The following SFR1 variants were observed in gnomAD, a reference collection of about 807,000 sequenced individuals.
SFR1 encodes swi5-dependent recombination DNA repair protein 1 homolog.
Under a neutral mutation model 26.2 loss-of-function variants are expected in SFR1, and 24 were observed. That is an observed-to-expected ratio of 0.92 (90% CI 0.66 to 1.29). The LOEUF is 1.29. SFR1 is among the 50% of genes most tolerant of loss of function. SFR1 has a pLI of 0.00. For missense variants in SFR1, 276 were observed against 270.2 expected (o/e 1.02, Z -0.15); for synonymous variants, 77 against 96.6 (o/e 0.80, Z 1.19).
In SFR1 at chr10:104,125,929, C is replaced by A; in HGVS notation, c.*225C>A. The A allele has an allele frequency of 3.1e-6, 1 of 320,200 alleles. No individual in the cohort carries two copies. The highest frequency in any genetic ancestry group is 5.9e-6 in the Non-Finnish European group (1 of 170,480). 19.8% of individuals were successfully genotyped at this position (320,200 alleles called of 1,614,324 possible). ...TACAGGCGCCCGCCACCATGCCCGGCTAATTTTTGCATTTTTAGTAGAGAC... is the reference window on the plus strand; with the variant it reads ...TACAGGCGCCCGCCACCATGCCCGGATAATTTTTGCATTTTTAGTAGAGAC... On this transcript the variant is annotated 3_prime_UTR_variant, in exon 4 of 4. Transcript: ENST00000369727.
At position 104,123,699 on chromosome 10, in the gene SFR1, T is replaced by C; in HGVS notation, c.136-15T>C. ...TTTCTTGATTCACATTTTTAATGTT[T>C]TGTGCTCTTTATAGCCTATGAGTGC... On this transcript the variant is annotated splice_polypyrimidine_tract_variant and intron_variant, in intron 2 of 3. Transcript: ENST00000369727. 1 of 1,533,426 alleles carries C rather than the reference T, an allele frequency of 6.5e-7. No individual in the cohort carries two copies. Among genetic ancestry groups the C allele is most frequent in the Non-Finnish European group, 8.7e-7 (1 of 1,143,428 alleles). 95.0% of individuals were successfully genotyped at this position (1,533,426 alleles called of 1,614,324 possible).
At position 104,125,760 on chromosome 10, in the gene SFR1, T is replaced by C; in HGVS notation, c.*56T>C. 7.9e-7 allele frequency: 1 copy of C among 1,263,432 alleles called. No homozygotes were observed. Among genetic ancestry groups the C allele is most frequent in the Non-Finnish European group, 1.1e-6 (1 of 911,230 alleles). The allele number at this position is 1,263,432 out of a possible 1,614,324, so 78.3% of individuals were successfully genotyped here. Reference sequence around the variant, plus strand: ...GAATGACAACTTAATTAAAAGATACTTAGGCACTTTTTTTTTTTTTTTGAG... The same window carrying C: ...GAATGACAACTTAATTAAAAGATACCTAGGCACTTTTTTTTTTTTTTTGAG... On this transcript the variant is annotated 3_prime_UTR_variant, in exon 4 of 4. Transcript: ENST00000369727.
At chr10:104,125,227 C>G (rs1192889895) in intron 3 of SFR1, among the ~76,000 whole-genome samples, 1 of 152,094 alleles carries the variant, frequency 6.6e-6, no homozygotes, top group Non-Finnish European at 1.5e-5. Context: ...AGATTTTTCC[C>G]TGTATTATTG....
At position 104,126,318 on chromosome 10, in the gene SFR1, C is replaced by T. The variant is rs983905206; in HGVS notation, c.*614C>T. 6.6e-6 allele frequency: 1 copy of T among 152,636 alleles called. No individual in the cohort carries two copies. Among genetic ancestry groups the T allele is most frequent in the African/African-American group, 2.4e-5 (1 of 41,430 alleles). 9.5% of individuals were successfully genotyped at this position (152,636 alleles called of 1,614,324 possible). A position where few individuals can be genotyped will look rare whatever the true frequency, so the allele number is the denominator to read the frequency against. ...CTCCTAAGTTTATGTACCTTGTTTC[C>T]ATCCATTTACCACATATTTCCATCT... On this transcript the variant is annotated 3_prime_UTR_variant, in exon 4 of 4. Transcript: ENST00000369727.
chr10:104,122,292 A>C, intron 1 of SFR1, 96 bp downstream of exon 1: 1 of 1,430,078 alleles, frequency 7.0e-7, no homozygotes. Context: ...GGTCTGGGGA[A>C]CTCAACCTCA....
In SFR1 at chr10:104,122,966, G is replaced by GA; in HGVS notation, c.20dup (p.Asn7LysfsTer20). On this transcript the variant is annotated frameshift_variant and splice_region_variant, in exon 2 of 4. Transcript: ENST00000369727. LOFTEE classifies it high-confidence loss of function. ...TATTTTATAATTTTTCTTTTTTAGA[G>GA]AAAAACCAAGATTTCACTTTCAAGA... 1 of 1,613,106 alleles carries GA rather than the reference G, an allele frequency of 6.2e-7. No homozygotes were observed. Among genetic ancestry groups the GA allele is most frequent in the South Asian group, 1.1e-5 (1 of 91,008 alleles).
Position 104,124,104 on chromosome 10 carries a change from G to T in SFR1, c.526G>T (p.Val176Phe). Residue 176 changes from valine (V) to phenylalanine (F), a missense_variant, in exon 3 of 4, where the codon GTC becomes TTC. Val to Phe is a conservative substitution (Grantham distance 50). Coordinates refer to ENST00000369727, the MANE Select transcript of SFR1 (RefSeq NM_001002759.2). Reference protein sequence around the residue: ...KEDLLRRLKLVKMYRSKNDLS... With the variant: ...KEDLLRRLKLFKMYRSKNDLS... ...AGACCTTCTTCGGAGGCTAAAACTA[G>T]TCAAAATGTATAGATCAAAGGTGAG... 1 of 1,608,138 alleles carries T rather than the reference G, an allele frequency of 6.2e-7. No homozygotes were observed. The highest frequency in any genetic ancestry group is 8.5e-7 in the Non-Finnish European group (1 of 1,178,088).
chr10:104,123,156 A>G (rs2086986019), intron 2 of SFR1, 70 bp downstream of exon 2: 8 of 1,195,968 alleles, frequency 6.7e-6, no homozygotes, highest in Non-Finnish European at 8.2e-6. Context: ...GGTGGTTTAA[A>G]TTCTACGGAA....
At chr10:104,122,042 C>CT (rs780503928), upstream of SFR1, 55 of 1,040,294 alleles carry the variant, frequency 5.3e-5, no homozygotes, top group African/African-American at 1.3e-4. Flanking sequence ...TCCCACCGCT[C>CT]TGAGTCGCTG....
At chr10:104,122,228 A>G in intron 1 of SFR1, 32 bp downstream of exon 1, 1 of 1,524,710 alleles carries the variant, frequency 6.6e-7, no homozygotes, top group Non-Finnish European at 8.8e-7. Context: ...GGGATCCCTG[A>G]CACCTGGGCT....
chr10:104,121,101 CGG>C (rs2086956037), upstream of SFR1, among the ~76,000 whole-genome samples: 1 of 131,210 alleles, frequency 7.6e-6, no homozygotes, highest in Non-Finnish European at 1.5e-5. Flanking sequence ...ATACTGGAAG[CGG>C]GGCGCGGGGG....
upstream of SFR1, chr10:104,122,113 G>T (rs550363135): frequency 3.1e-5 from 48 of 1,531,444 alleles, 1 homozygote; most frequent in Admixed American, 8.1e-4. Context: ...TCCGCCTACC[G>T]CACGGCCCCG....
intron 3 of SFR1, 136 bp from the exon 4 acceptor site, chr10:104,125,377 T>A (rs2087013997): frequency 3.1e-6 from 2 of 647,850 alleles, no homozygotes; most frequent in East Asian, 5.6e-5. Flanking sequence ...ACCATCCTAC[T>A]TTTTCCTAGA....
chr10:104,123,874 A>T lies in SFR1; in HGVS notation c.296A>T (p.Gln99Leu). 1 of 1,613,252 alleles carries T rather than the reference A, an allele frequency of 6.2e-7. No individual in the cohort carries two copies. The highest frequency in any genetic ancestry group is 8.5e-7 in the Non-Finnish European group (1 of 1,179,882). The stretch of plus-strand genomic sequence containing the variant: ...ACAGAGGAAAACTGTTTGGAATTTC[A>T]AGAAAGTTTTAAACATATAGACAGT... ...SSTEENCLEF[Q>L]ESFKHIDSEF... The change falls in exon 3 of 4, where the codon CAA becomes CTA. Residue 99 changes from glutamine (Q) to leucine (L), a missense_variant. Physicochemically the swap from Gln to Leu is moderately radical, Grantham distance 113. Coordinates refer to ENST00000369727, the MANE Select transcript of SFR1 (RefSeq NM_001002759.2).
chr10:104,123,165 A>G (rs944381994), intron 2 of SFR1, 79 bp downstream of exon 2: 2 of 1,142,698 alleles, frequency 1.8e-6, no homozygotes, highest in African/African-American at 3.1e-5. Flanking sequence ...AATTCTACGG[A>G]AGGTTGTTAA....
intron 1 of SFR1, chr10:104,122,527 A>G (rs751633066): frequency 1.0e-5 from 10 of 985,306 alleles, no homozygotes; most frequent in Middle Eastern, 1.0e-3. Flanking sequence ...CCGGCAGGGT[A>G]ACGGGTTCTA....
Position 104,123,662 on chromosome 10 carries a change from A to G in SFR1, c.136-52A>G, listed in dbSNP as rs2086992869. 3 of 1,412,706 alleles carry G rather than the reference A, an allele frequency of 2.1e-6. No homozygotes were observed. The African/African-American group carries it at 4.3e-5, about 20-fold the overall frequency. The allele number at this position is 1,412,706 out of a possible 1,614,324, so 87.5% of individuals were successfully genotyped here. ...ACTTTATTTCTGGTGATTTATTGAC[A>G]TTAAGAATGTTTTTCTTGATTCACA... On this transcript the variant is annotated intron_variant, in intron 2 of 3. Transcript: ENST00000369727.
upstream of SFR1, among the ~76,000 whole-genome samples, chr10:104,120,289 A>G (rs2086949300): frequency 6.6e-6 from 1 of 152,248 alleles, no homozygotes; most frequent in South Asian, 2.1e-4. Flanking sequence ...GGAGAAATAA[A>G]TGTACAGACT....
chr10:104,123,675 T>C, intron 2 of SFR1, 39 bp from the exon 3 acceptor site: 1 of 1,466,254 alleles, frequency 6.8e-7, no homozygotes, highest in Non-Finnish European at 9.1e-7. Flanking sequence ...AAGAATGTTT[T>C]TCTTGATTCA....
Sources: allele counts gnomAD v4.1 joint callset (sites outside exome capture counted in the v4.1 genomes callset), GRCh38; gene constraint gnomAD v4.1.1; transcripts MANE v1.5; gene names NCBI Gene and HGNC (gene_info 2026-07-23, HGNC 2026-07-21).